Variants in HMCN1 observed in about 807,000 individuals in gnomAD.
HMCN1 encodes hemicentin 1.
HMCN1 carries 321 observed loss-of-function variants against 625.9 expected under a neutral mutation model. The observed-to-expected ratio is 0.51, with a 90% confidence interval of 0.47 to 0.56. The LOEUF (loss-of-function observed/expected upper bound fraction) is 0.56. Ranked by LOEUF, HMCN1 falls within the 20% of genes least tolerant of loss-of-function variation. The probability of loss-of-function intolerance (pLI) is 0.00; values close to 1 mark genes in which losing one functional copy is unlikely to be tolerated. For missense variants in HMCN1, 6,588 were observed against 6,887.3 expected (o/e 0.96, Z 1.54); for synonymous variants, 2,425 against 2,417.6 (o/e 1.00, Z -0.09).
Position 185,885,528 on chromosome 1 carries a change from T to C in HMCN1, c.621+19665T>C, listed in dbSNP as rs567068982. Among the ~76,000 whole-genome samples the C allele has an allele frequency of 9.6e-3, 1,428 of 149,376 alleles. 34 individuals carry two copies. The highest frequency in any genetic ancestry group is 0.035 in the African/African-American group (1,379 of 38,988). On this transcript the variant is annotated intron_variant, in intron 4 of 106. Coordinates refer to ENST00000271588, the MANE Select transcript of HMCN1 (RefSeq NM_031935.3). ...ACAAATTTCCTGACGTTTTTTTTTT[T>C]CCTTTTCTCTAAACCACTAGTATGA...
chr1:186,163,237 C>T (rs1002872914), intron 97 of HMCN1, among the ~76,000 whole-genome samples: 24 of 152,202 alleles, frequency 1.6e-4, no homozygotes, highest in Admixed American at 2.6e-4. Context: ...TCTCCTGGTG[C>T]GCCATTTTTT....
At chr1:186,127,420 C>T (rs1661702724) in intron 82 of HMCN1, among the ~76,000 whole-genome samples, 1 of 152,058 alleles carries the variant, frequency 6.6e-6, no homozygotes, top group South Asian at 2.1e-4. Flanking sequence ...AGAGGTTGAG[C>T]CTTCTCGCTT....
intron 48 of HMCN1, among the ~76,000 whole-genome samples, chr1:186,063,062 G>GCATATA (rs1221296216): frequency 1.0e-3 from 65 of 62,904 alleles, no homozygotes; most frequent in Middle Eastern, 9.1e-3. Context: ...GTGTGTGTGT[G>GCATATA]TGTGCATATA....
At chr1:186,135,695 C>G (rs1649552473) in intron 86 of HMCN1, among the ~76,000 whole-genome samples, 1 of 152,134 alleles carries the variant, frequency 6.6e-6, no homozygotes, top group Non-Finnish European at 1.5e-5. Context: ...TGAGTTCTTC[C>G]CTTTAACCCA....
chr1:186,021,114 T>C (rs975467777), intron 35 of HMCN1, among the ~76,000 whole-genome samples: 2 of 152,108 alleles, frequency 1.3e-5, no homozygotes, highest in Non-Finnish European at 2.9e-5. Context: ...TAGACTCATA[T>C]GTTGGCCATG....
intron 99 of HMCN1, 138 bp from the exon 100 acceptor site, chr1:186,166,670 C>T (rs904691913): frequency 7.1e-5 from 86 of 1,209,064 alleles, no homozygotes; most frequent in Non-Finnish European, 8.9e-5. Context: ...TGATGTGACT[C>T]AACCAAAAAC....
At chr1:185,929,577 C>T (rs1483551916) in intron 10 of HMCN1, among the ~76,000 whole-genome samples, 1 of 152,118 alleles carries the variant, frequency 6.6e-6, no homozygotes, top group Non-Finnish European at 1.5e-5. Flanking sequence ...TATATTGCTG[C>T]TGTTGAATTT....
intron 66 of HMCN1, 55 bp from the exon 67 acceptor site, chr1:186,094,221 T>C (rs1463916293): frequency 7.9e-7 from 1 of 1,264,034 alleles, no homozygotes; most frequent in Non-Finnish European, 1.2e-6. Context: ...AATTATTTTA[T>C]GTGTACTTGT....
intron 1 of HMCN1, among the ~76,000 whole-genome samples, chr1:185,836,766 A>G (rs1242315496): frequency 6.6e-6 from 1 of 151,880 alleles, no homozygotes; most frequent in Non-Finnish European, 1.5e-5. Context: ...TAGTTTTTCA[A>G]ACCTCACCCT....
chr1:186,077,530 A>G (rs1314318868), intron 54 of HMCN1, among the ~76,000 whole-genome samples: 1 of 152,174 alleles, frequency 6.6e-6, no homozygotes, highest in Admixed American at 6.6e-5. Flanking sequence ...GAAAAAGATT[A>G]TATACATATG....
rs1228428862 is a variant in HMCN1 at position 185,977,996 on chromosome 1, A to G, written c.2566+15A>G. 6.4e-7 allele frequency: 1 copy of G among 1,564,648 alleles called. No individual in the cohort carries two copies. The highest frequency in any genetic ancestry group is 8.8e-7 in the Non-Finnish European group (1 of 1,135,746). On this transcript the variant is annotated intron_variant, in intron 16 of 106. Transcript: ENST00000271588. ...CTTTATTTTAAGTAGGTTGAAGGAA[A>G]TATATTTTGTACGAATATGTACTTT... is the stretch of plus-strand genomic sequence containing the variant.
chr1:185,967,060 G>T (rs1213164133), intron 14 of HMCN1, among the ~76,000 whole-genome samples: 1 of 151,878 alleles, frequency 6.6e-6, no homozygotes, highest in Non-Finnish European at 1.5e-5. Flanking sequence ...TTAAATTTTT[G>T]AATTGCCAAA....
intron 1 of HMCN1, among the ~76,000 whole-genome samples, chr1:185,830,949 C>A (rs73072072): frequency 1.3e-5 from 2 of 151,916 alleles, no homozygotes; most frequent in Non-Finnish European, 2.9e-5. Context: ...TCTATGCCCC[C>A]ACTATCATCA....
chr1:186,065,014 T>C (rs1658014448), intron 48 of HMCN1, among the ~76,000 whole-genome samples: 1 of 152,146 alleles, frequency 6.6e-6, no homozygotes. Flanking sequence ...AACACTAACC[T>C]ACATTTGAAA....
In HMCN1 at chr1:185,994,882, A is replaced by G. The variant is rs1199570850; in HGVS notation, c.3573A>G (p.Pro1191=). 5 of 1,613,660 alleles carry G rather than the reference A, an allele frequency of 3.1e-6. No homozygotes were observed. In the East Asian group the frequency reaches 6.7e-5, roughly 22 times the overall value. ...KVQVGQRVDI[P]CNAQGTPLPV... ...AAGTTGGTCAAAGAGTGGATATTCC[A>G]TGTAATGCTCAAGGGACTCCTCTTC... Residue 1191 remains proline (P), a synonymous_variant, in exon 24 of 107, where the codon CCA becomes CCG. Coordinates refer to ENST00000271588, the MANE Select transcript of HMCN1 (RefSeq NM_031935.3).
intron 97 of HMCN1, among the ~76,000 whole-genome samples, chr1:186,162,761 C>T (rs1249119705): frequency 2.0e-5 from 3 of 152,156 alleles, no homozygotes; most frequent in East Asian, 1.9e-4. Flanking sequence ...GCTGTCTGAT[C>T]GTTCCTCTGG....
intron 1 of HMCN1, among the ~76,000 whole-genome samples, chr1:185,844,935 C>G (rs1351140482): frequency 6.6e-6 from 1 of 152,192 alleles, no homozygotes; most frequent in African/African-American, 2.4e-5. Flanking sequence ...TCCAAGTTAA[C>G]CCATGATATC....
At chr1:186,048,877 T>TG in intron 42 of HMCN1, 38 bp downstream of exon 42, 1 of 1,190,858 alleles carries the variant, frequency 8.4e-7, no homozygotes, top group Non-Finnish European at 1.3e-6. Context: ...ATAATGCAGC[T>TG]GTGGTTTTTT....
At chr1:185,804,845 G>T (rs1659063244) in intron 1 of HMCN1, among the ~76,000 whole-genome samples, 1 of 151,910 alleles carries the variant, frequency 6.6e-6, no homozygotes. Context: ...CTTCAGAGGG[G>T]GCTTAGAATG....
Sources: gnomAD v4.1 joint callset for allele counts (sites outside exome capture counted in the v4.1 genomes callset) on GRCh38, gnomAD v4.1.1 for gene constraint, MANE v1.5 for transcripts, NCBI Gene and HGNC (gene_info 2026-07-23, HGNC 2026-07-21) for gene names.